Variants in MTMR1 observed in about 807,000 individuals in gnomAD.
The protein encoded by MTMR1 is phosphatidylinositol-3-phosphate phosphatase MTMR1.
A neutral mutation model predicts 51.6 loss-of-function variants in MTMR1; 17 were observed. The observed-to-expected ratio is 0.33, with a 90% confidence interval of 0.23 to 0.49. The LOEUF is 0.49. Ranked by LOEUF, MTMR1 falls within the 20% of genes least tolerant of loss-of-function variation. MTMR1 has a pLI of 0.99. For synonymous variants in MTMR1, 201 were observed against 205.6 expected, an observed-to-expected ratio of 0.98 and a Z score of 0.19; for missense variants, 386 against 526.9, an observed-to-expected ratio of 0.73 and a Z score of 2.62.
intron 14 of MTMR1, among the ~76,000 whole-genome samples, chrX:150,755,288 C>T (rs1328889345): frequency 8.9e-6 from 1 of 111,852 alleles, no homozygotes; most frequent in Non-Finnish European, 1.9e-5. Context: ...AAGCAGTCCT[C>T]GCAATGTGGC....
intron 4 of MTMR1, among the ~76,000 whole-genome samples, chrX:150,726,309 A>G (rs2041929783): frequency 8.9e-6 from 1 of 111,746 alleles, no homozygotes; most frequent in East Asian, 2.8e-4. Flanking sequence ...GCCCTGGTCC[A>G]TGGAACAGTT....
intron 4 of MTMR1, among the ~76,000 whole-genome samples, chrX:150,723,302 C>T (rs1557416641): frequency 1.8e-5 from 2 of 111,108 alleles, no homozygotes; most frequent in Non-Finnish European, 3.8e-5. Context: ...TGAATAGTGC[C>T]GCAATAAACA....
At chrX:150,741,083 G>T (rs879957016) in intron 12 of MTMR1, among the ~76,000 whole-genome samples, 1 of 111,939 alleles carries the variant, frequency 8.9e-6, no homozygotes, top group Admixed American at 9.4e-5. Context: ...CTGCAACCTA[G>T]CTCTGTCTAA....
intron 15 of MTMR1, among the ~76,000 whole-genome samples, chrX:150,759,879 A>C (rs140516238): frequency 0.011 from 1,170 of 109,561 alleles, 29 homozygotes; most frequent in African/African-American, 0.036. Context: ...TCAGAGAAGC[A>C]GTGACTTGGT....
At chrX:150,702,006 T>C (rs1358599323) in intron 2 of MTMR1, among the ~76,000 whole-genome samples, 3 of 111,582 alleles carry the variant, frequency 2.7e-5, no homozygotes, top group African/African-American at 9.8e-5. Flanking sequence ...GCTAGAGTGA[T>C]TTTAAGATTT....
chrX:150,750,888 G>A (rs2042708659), intron 14 of MTMR1, 45 bp downstream of exon 14: 2 of 1,082,268 alleles, frequency 1.8e-6, no homozygotes, highest in Non-Finnish European at 1.3e-6. Context: ...TGTGGCTCAG[G>A]CACCTCTCCT....
chrX:150,722,490 T>C (rs12014507), intron 4 of MTMR1, among the ~76,000 whole-genome samples: 89 of 112,418 alleles, frequency 7.9e-4, no homozygotes, highest in African/African-American at 2.7e-3. Flanking sequence ...TTATTCTTGG[T>C]AATATTCTTT....
chrX:150,705,448 CAAAG>C (rs1288249447), intron 2 of MTMR1, among the ~76,000 whole-genome samples: 1 of 111,128 alleles, frequency 9.0e-6, no homozygotes, highest in African/African-American at 3.3e-5. Flanking sequence ...AAACTGAAAA[CAAAG>C]AAAAAAATAT....
intron 13 of MTMR1, among the ~76,000 whole-genome samples, chrX:150,745,705 G>T: frequency 8.9e-6 from 1 of 112,270 alleles, no homozygotes; most frequent in East Asian, 2.8e-4. Flanking sequence ...CAGCCCCTGG[G>T]AACCTTCTTC....
intron 1 of MTMR1, among the ~76,000 whole-genome samples, chrX:150,698,416 C>T (rs1038550342): frequency 1.1e-4 from 12 of 111,686 alleles, no homozygotes; most frequent in African/African-American, 3.9e-4. Context: ...TTATAAATCT[C>T]ATGTTCAGCT....
chrX:150,751,947 GTTC>G (rs1372855820), intron 14 of MTMR1, among the ~76,000 whole-genome samples: 1 of 17,901 alleles, frequency 5.6e-5, no homozygotes, highest in Non-Finnish European at 1.0e-4. Context: ...ACGGCGTTTT[GTTC>G]TTGTTGCCCA....
At chrX:150,753,990 C>T (rs1225986648) in intron 14 of MTMR1, among the ~76,000 whole-genome samples, 4 of 112,532 alleles carry the variant, frequency 3.6e-5, no homozygotes, top group South Asian at 3.6e-4. Context: ...TCTGAGGTAA[C>T]GTTTGTATAC....
chrX:150,759,630 C>T (rs782097143), intron 15 of MTMR1, among the ~76,000 whole-genome samples: 17 of 109,624 alleles, frequency 1.6e-4, no homozygotes, highest in East Asian at 2.8e-4. Flanking sequence ...TCTTGCCCGC[C>T]GCGTGAGGCA....
chrX:150,731,537 C>T lies in MTMR1; in HGVS notation c.809C>T (p.Pro270Leu). The change falls in exon 9 of 16, where the codon CCT becomes CTT. Residue 270 changes from proline to leucine, a missense_variant. Coordinates refer to ENST00000445323, the MANE Select transcript of MTMR1 (RefSeq NM_001306144.3). ...NSNYEFCDTY[P>L]AIIVVPTSVK... ...AATTATGAGTTCTGTGACACCTACC[C>T]TGCCATCATTGTTGTGCCAACTAGT... is the stretch of plus-strand genomic sequence containing the variant. 1 of 1,208,648 alleles carries T rather than the reference C, an allele frequency of 8.3e-7. No individual in the cohort carries two copies. The highest frequency in any genetic ancestry group is 1.1e-6 in the Non-Finnish European group (1 of 893,787).
intron 2 of MTMR1, among the ~76,000 whole-genome samples, chrX:150,711,008 T>TA (rs1557416204): frequency 8.9e-6 from 1 of 112,592 alleles, no homozygotes; most frequent in Non-Finnish European, 1.9e-5. Flanking sequence ...CTGGGAGACT[T>TA]ACTGTTTTGA....
chrX:150,735,251 G>C, intron 10 of MTMR1: 1 of 313,716 alleles, frequency 3.2e-6, no homozygotes, highest in Non-Finnish European at 5.5e-6. Context: ...ATTTTATGTT[G>C]TTTTAAGTCC....
intron 8 of MTMR1, among the ~76,000 whole-genome samples, chrX:150,730,813 G>A (rs1557416962): frequency 8.9e-6 from 1 of 112,064 alleles, no homozygotes; most frequent in African/African-American, 3.2e-5. Flanking sequence ...TGTTCATCCT[G>A]TTTCCAGAGG....
In MTMR1 at chrX:150,725,758, G is replaced by T. The variant is rs146732027; in HGVS notation, c.353-1457G>T. Among the ~76,000 whole-genome samples, 516 of 111,086 alleles carry T rather than the reference G, an allele frequency of 4.6e-3. 2 individuals carry two copies. The highest frequency in any genetic ancestry group is 0.016 in the African/African-American group (487 of 30,488). On this transcript the variant is annotated intron_variant, in intron 4 of 15. Coordinates refer to ENST00000445323, the MANE Select transcript of MTMR1 (RefSeq NM_001306144.3). ...TTTGTTTAAACAGTTATCTTTTAAGGATAATGATAATAATGCCTTAGTCTC... is the reference window on the plus strand; with the variant it reads ...TTTGTTTAAACAGTTATCTTTTAAGTATAATGATAATAATGCCTTAGTCTC...
chrX:150,760,652 G>A (rs782703820), intron 15 of MTMR1, among the ~76,000 whole-genome samples: 125 of 112,100 alleles, frequency 1.1e-3, no homozygotes, highest in East Asian at 5.1e-3. Flanking sequence ...GGCCAGGCGC[G>A]GTGGCTCACG....
Sources: allele counts gnomAD v4.1 joint callset (sites outside exome capture counted in the v4.1 genomes callset), GRCh38; gene constraint gnomAD v4.1.1; transcripts MANE v1.5; gene names NCBI Gene and HGNC (gene_info 2026-07-23, HGNC 2026-07-21).